The following LRIG2 variants were observed in gnomAD, a reference collection of about 807,000 sequenced individuals.
LRIG2 encodes the protein leucine rich repeats and immunoglobulin like domains 2.
LRIG2 carries 93 observed loss-of-function variants against 107.8 expected under a neutral mutation model. That is an observed-to-expected ratio of 0.86 (90% confidence interval 0.73 to 1.03). LRIG2 has a LOEUF of 1.03. Ranked by LOEUF, LRIG2 falls within the 50% of genes least tolerant of loss-of-function variation. The pLI is 0.00. For missense variants in LRIG2, 1,226 were observed against 1,296.0 expected (o/e 0.95, Z 0.83); for synonymous variants, 471 against 470.6 (o/e 1.00, Z -0.01).
intron 16 of LRIG2, among the ~76,000 whole-genome samples, chr1:113,118,093 AT>A (rs1263166895): frequency 6.6e-6 from 1 of 151,416 alleles, no homozygotes; most frequent in Non-Finnish European, 1.5e-5. Flanking sequence ...CTTATTTTGT[AT>A]TTTTAGTAGA....
At chr1:113,091,021 T>C (rs929508418) in intron 1 of LRIG2, among the ~76,000 whole-genome samples, 1 of 150,940 alleles carries the variant, frequency 6.6e-6, no homozygotes, top group African/African-American at 2.4e-5. Context: ...CTGGATGATA[T>C]TTGTATTTTT....
intron 13 of LRIG2, 88 bp from the exon 14 acceptor site, chr1:113,112,391 C>T: frequency 8.7e-7 from 1 of 1,152,088 alleles, no homozygotes; most frequent in Non-Finnish European, 1.2e-6. Flanking sequence ...GGGTGTCTTG[C>T]CTACTAGATT....
chr1:113,085,011 T>G (rs780815247), intron 1 of LRIG2, among the ~76,000 whole-genome samples: 19 of 152,234 alleles, frequency 1.2e-4, no homozygotes, highest in Non-Finnish European at 2.5e-4. Flanking sequence ...GATTTCATGT[T>G]TGGCGGAAAA....
intron 1 of LRIG2, among the ~76,000 whole-genome samples, chr1:113,087,096 T>A (rs1653588480): frequency 6.6e-6 from 1 of 152,200 alleles, no homozygotes; most frequent in Non-Finnish European, 1.5e-5. Context: ...TGAGGTGTGA[T>A]GTCACCACTG....
intron 1 of LRIG2, among the ~76,000 whole-genome samples, chr1:113,089,888 T>G (rs1399956078): frequency 6.6e-6 from 1 of 151,764 alleles, no homozygotes; most frequent in Non-Finnish European, 1.5e-5. Context: ...TAGAGATGGA[T>G]TTCACTATGT....
At position 113,112,612 on chromosome 1, in the gene LRIG2, T is replaced by G; in HGVS notation, c.1932T>G (p.Pro644=). 1 of 1,614,216 alleles carries G rather than the reference T, an allele frequency of 6.2e-7. No individual in the cohort carries two copies. Among genetic ancestry groups the G allele is most frequent in the South Asian group, 1.1e-5 (1 of 91,090 alleles). The change falls in exon 14 of 18, where the codon CCT becomes CCG. Residue 644 remains proline, a synonymous_variant. Coordinates refer to ENST00000361127, the MANE Select transcript of LRIG2 (RefSeq NM_014813.3). Reference sequence around the variant, plus strand: ...AGAAAGATGGTGGTACTGACTTTCCTGCGGCTCGAGAAAGACGCATGCACG... The same window carrying G: ...AGAAAGATGGTGGTACTGACTTTCCGGCGGCTCGAGAAAGACGCATGCACG... ...SWQKDGGTDF[P]AARERRMHVM... is the part of the protein sequence containing the mutation.
rs138259544 is a variant in LRIG2 at position 113,118,605 on chromosome 1, C to T, written c.2681-628C>T. Among the ~76,000 whole-genome samples, 176 of 152,068 alleles carry T rather than the reference C, an allele frequency of 1.2e-3. 2 individuals carry two copies. The highest frequency in any genetic ancestry group is 4.2e-3 in the African/African-American group (174 of 41,500). ...GACAGAGATGGTTCAGTGTAGTTTT[C>T]AAGAGCATGGGCTCTGGAGCCAGAA... On this transcript the variant is annotated intron_variant, in intron 16 of 17. Transcript: ENST00000361127.
intron 9 of LRIG2, among the ~76,000 whole-genome samples, chr1:113,099,663 A>G (rs978675483): frequency 2.0e-5 from 3 of 152,330 alleles, no homozygotes; most frequent in African/African-American, 7.2e-5. Flanking sequence ...AGTAAAAGGA[A>G]TGCATTGAGA....
At position 113,114,795 on chromosome 1, in the gene LRIG2, G is replaced by A; in HGVS notation, c.2449G>A (p.Val817Ile). 2 of 1,614,144 alleles carry A rather than the reference G, an allele frequency of 1.2e-6. No individual in the cohort carries two copies. Among genetic ancestry groups the A allele is most frequent in the Non-Finnish European group, 1.7e-6 (2 of 1,180,028 alleles). ...GIVIIVVVCC[V>I]VGTSLIWVIV... is the part of the protein sequence containing the mutation. ...TGTCATCATTGTTGTGGTCTGCTGTGTTGTTGGCACTTCTTTGATCTGGGT... is the reference window on the plus strand; with the variant it reads ...TGTCATCATTGTTGTGGTCTGCTGTATTGTTGGCACTTCTTTGATCTGGGT... The change falls in exon 15 of 18, where the codon GTT becomes ATT. Residue 817 changes from valine to isoleucine, a missense_variant. Around this residue, in one of 3 missense-constraint regions of LRIG2, gnomAD observed 642 missense variants for 712.2 expected, o/e 0.90. Transcript: ENST00000361127.
Position 113,096,245 on chromosome 1 carries a change from C to T in LRIG2, c.971C>T (p.Thr324Ile), listed in dbSNP as rs1271065647. 6.2e-7 allele frequency: 1 copy of T among 1,613,936 alleles called. No individual in the cohort carries two copies. The highest frequency in any genetic ancestry group is 8.5e-7 in the Non-Finnish European group (1 of 1,180,034). Residue 324 changes from threonine to isoleucine, a missense_variant, in exon 8 of 18, where the codon ACC becomes ATC. Around this residue, in one of 3 missense-constraint regions of LRIG2, gnomAD observed 570 missense variants for 550.2 expected, o/e 1.04. Coordinates refer to ENST00000361127, the MANE Select transcript of LRIG2 (RefSeq NM_014813.3). The stretch of plus-strand genomic sequence containing the variant: ...AGTGATTTGTCCTATAACCAGCTGA[C>T]CCGCCTGGATGAATCTGCCTTTGTG... ...SELDLSYNQLTRLDESAFVGL... is the reference protein window; with the variant it reads ...SELDLSYNQLIRLDESAFVGL...
At chr1:113,094,777 T>C (rs779191366) in intron 6 of LRIG2, 22 bp downstream of exon 6, 2 of 1,600,880 alleles carry the variant, frequency 1.2e-6, no homozygotes, top group Non-Finnish European at 1.7e-6. Flanking sequence ...GGACTAGAGG[T>C]GATTATTAGG....
chr1:113,091,488 G>A, intron 2 of LRIG2, 105 bp downstream of exon 2: 1 of 656,014 alleles, frequency 1.5e-6, no homozygotes, highest in Non-Finnish European at 2.5e-6. Flanking sequence ...AAAAATTGAA[G>A]GAAAAAATTA....
In LRIG2 at chr1:113,107,706, T is replaced by A; in HGVS notation, c.1426T>A (p.Trp476Arg). Reference sequence around the variant, plus strand: ...GAATGTAAGCTGTGCACACCCTGAATGGCTAGCAGGGCAAAGCATCCTGAA... The same window carrying A: ...GAATGTAAGCTGTGCACACCCTGAAAGGCTAGCAGGGCAAAGCATCCTGAA... ...SVNVSCAHPE[W>R]LAGQSILNVD... is the part of the protein sequence containing the mutation. Residue 476 changes from tryptophan (W) to arginine (R), a missense_variant, in exon 12 of 18, where the codon TGG becomes AGG. Trp to Arg is a moderately radical substitution (Grantham distance 101, BLOSUM62 -3). Transcript: ENST00000361127. 6.2e-7 allele frequency: 1 copy of A among 1,613,546 alleles called. No homozygotes were observed. The highest frequency in any genetic ancestry group is 2.2e-5 in the East Asian group (1 of 44,858).
intron 6 of LRIG2, 65 bp from the exon 7 acceptor site, chr1:113,095,809 T>C (rs1312593017): frequency 6.4e-7 from 1 of 1,564,384 alleles, no homozygotes; most frequent in African/African-American, 1.4e-5. Flanking sequence ...AACTTAAGAT[T>C]TAAAGCTAGT....
At chr1:113,113,674 T>C (rs1654875976) in intron 14 of LRIG2, among the ~76,000 whole-genome samples, 1 of 151,878 alleles carries the variant, frequency 6.6e-6, no homozygotes. Context: ...GTGATTCTCC[T>C]GCCTCAGCCT....
chr1:113,102,513 G>A (rs569668430), intron 11 of LRIG2, among the ~76,000 whole-genome samples: 4 of 151,684 alleles, frequency 2.6e-5, no homozygotes, highest in East Asian at 1.9e-4. Context: ...CTCATGATCC[G>A]CCCGCCTCGG....
At chr1:113,105,152 T>A (rs551464929) in intron 11 of LRIG2, among the ~76,000 whole-genome samples, 73 of 151,922 alleles carry the variant, frequency 4.8e-4, no homozygotes, top group Non-Finnish European at 8.5e-4. Flanking sequence ...TCTCAAAAAA[T>A]AAATAAATAA....
intron 10 of LRIG2, 46 bp downstream of exon 10, chr1:113,100,328 C>T (rs1357175804): frequency 2.7e-6 from 4 of 1,500,276 alleles, no homozygotes; most frequent in Non-Finnish European, 9.2e-7. Context: ...ATAATCTTTG[C>T]TATTAGCAGA....
chr1:113,108,223 T>C (rs1029370147), intron 12 of LRIG2, among the ~76,000 whole-genome samples: 3 of 150,526 alleles, frequency 2.0e-5, no homozygotes, highest in Admixed American at 6.6e-5. Context: ...ATTTCAAATA[T>C]ACTTTTTTTT....
Sources: gnomAD v4.1 joint callset for allele counts (sites outside exome capture counted in the v4.1 genomes callset) on GRCh38, gnomAD v4.1.1 for gene constraint, gnomAD v4.1.1 regional missense constraint, MANE v1.5 for transcripts, NCBI Gene and HGNC (gene_info 2026-07-23, HGNC 2026-07-21) for gene names.